The following RPS6KC1 variants were observed in gnomAD, a reference collection of about 807,000 sequenced individuals.
RPS6KC1 encodes inactive ribosomal protein S6 kinase delta-1.
RPS6KC1 carries 54 observed loss-of-function variants against 103.8 expected under a neutral mutation model. The observed-to-expected ratio is 0.52, with a 90% CI of 0.42 to 0.65. RPS6KC1 has a LOEUF of 0.65. Ranked by LOEUF, RPS6KC1 falls within the 30% of genes least tolerant of loss-of-function variation. RPS6KC1 has a pLI of 0.00. For synonymous variants in RPS6KC1, 439 were observed against 438.7 expected (o/e 1.00, Z -0.01); for missense variants, 1,151 against 1,253.8 (o/e 0.92, Z 1.24).
the RPS6KC1 span, among the ~76,000 whole-genome samples, chr1:213,415,856 G>A: frequency 0.67 from 101,221 of 152,116 alleles, 33,979 homozygotes; most frequent in Non-Finnish European, 0.68. Flanking sequence ...GCTTCAGACC[G>A]GTTAAATTGC....
the RPS6KC1 span, among the ~76,000 whole-genome samples, chr1:213,716,617 CCTT>C: frequency 1.3e-5 from 2 of 152,020 alleles, no homozygotes; most frequent in Non-Finnish European, 2.9e-5. Context: ...TATATAATTC[CCTT>C]CTTCACACTT....
the RPS6KC1 span, among the ~76,000 whole-genome samples, chr1:213,715,353 C>T: frequency 2.0e-5 from 3 of 152,190 alleles, no homozygotes; most frequent in African/African-American, 4.8e-5. Context: ...ATCTTCATAG[C>T]GGGTAAGACC....
At chr1:213,290,883 A>C in the RPS6KC1 span, among the ~76,000 whole-genome samples, 1 of 152,204 alleles carries the variant, frequency 6.6e-6, no homozygotes, top group Non-Finnish European at 1.5e-5. Flanking sequence ...GGCAGCGTAG[A>C]TGATTCAAAG....
chr1:213,283,635 TA>T, the RPS6KC1 span, among the ~76,000 whole-genome samples: 1 of 151,952 alleles, frequency 6.6e-6, no homozygotes, highest in African/African-American at 2.4e-5. Context: ...GAGCTCGAGA[TA>T]GGGGGGATTA....
At chr1:213,726,288 T>C in the RPS6KC1 span, among the ~76,000 whole-genome samples, 25 of 152,322 alleles carry the variant, frequency 1.6e-4, no homozygotes, top group African/African-American at 5.3e-4. Context: ...TTGCCCAGGT[T>C]GGTCTTGAAT....
chr1:213,057,887 T>C (rs1449145267), intron 1 of RPS6KC1, among the ~76,000 whole-genome samples: 2 of 148,366 alleles, frequency 1.3e-5, no homozygotes, highest in East Asian at 2.0e-4. Flanking sequence ...CCTCTCAGCC[T>C]CCTGAGTGGC....
chr1:213,350,939 G>T, the RPS6KC1 span, among the ~76,000 whole-genome samples: 8 of 152,040 alleles, frequency 5.3e-5, no homozygotes, highest in Non-Finnish European at 1.0e-4. Context: ...ATATGATTGG[G>T]TATATGTTTT....
the RPS6KC1 span, among the ~76,000 whole-genome samples, chr1:213,464,896 G>A: frequency 6.6e-6 from 1 of 152,082 alleles, no homozygotes; most frequent in Admixed American, 6.5e-5. Flanking sequence ...GACCAAGACA[G>A]TCATTCTCCC....
At chr1:213,654,841 G>A in the RPS6KC1 span, among the ~76,000 whole-genome samples, 3 of 152,094 alleles carry the variant, frequency 2.0e-5, no homozygotes, top group East Asian at 1.9e-4. Flanking sequence ...AAGACAAAGC[G>A]GGTGAGGTAC....
chr1:213,429,913 C>T, the RPS6KC1 span, among the ~76,000 whole-genome samples: 2 of 152,294 alleles, frequency 1.3e-5, no homozygotes, highest in Middle Eastern at 3.4e-3. Context: ...TTCTTTATTG[C>T]TTTTATAACC....
the RPS6KC1 span, among the ~76,000 whole-genome samples, chr1:213,408,691 A>G: frequency 6.6e-6 from 1 of 152,200 alleles, no homozygotes; most frequent in Non-Finnish European, 1.5e-5. Context: ...TAATTGCATA[A>G]GTCAGTTCAT....
At chr1:213,424,527 G>C in the RPS6KC1 span, among the ~76,000 whole-genome samples, 1 of 152,264 alleles carries the variant, frequency 6.6e-6, no homozygotes, top group Non-Finnish European at 1.5e-5. Flanking sequence ...TGGTGCCCTT[G>C]TGTTACTCCA....
At chr1:213,528,649 A>G in the RPS6KC1 span, among the ~76,000 whole-genome samples, 1 of 152,120 alleles carries the variant, frequency 6.6e-6, no homozygotes, top group South Asian at 2.1e-4. Context: ...TCCTCTTTTC[A>G]TGCCTTAGTA....
chr1:213,561,574 G>A, the RPS6KC1 span, among the ~76,000 whole-genome samples: 3 of 152,190 alleles, frequency 2.0e-5, no homozygotes, highest in Non-Finnish European at 4.4e-5. Flanking sequence ...GGTACAGACA[G>A]CTGGGCTCCC....
the RPS6KC1 span, among the ~76,000 whole-genome samples, chr1:213,314,389 T>C: frequency 1.8e-4 from 28 of 152,354 alleles, no homozygotes; most frequent in African/African-American, 6.3e-4. Flanking sequence ...TACCAGTAAA[T>C]TGTAGTCTTC....
the RPS6KC1 span, among the ~76,000 whole-genome samples, chr1:213,300,466 GCCACA>G: frequency 6.6e-6 from 1 of 152,290 alleles, no homozygotes; most frequent in East Asian, 1.9e-4. Context: ...AATGCAACCT[GCCACA>G]CCCTCTGAGT....
At chr1:213,265,074 T>C (rs1406056136) in intron 14 of RPS6KC1, among the ~76,000 whole-genome samples, 7 of 152,186 alleles carry the variant, frequency 4.6e-5, no homozygotes, top group African/African-American at 1.7e-4. Flanking sequence ...AAACAAATTT[T>C]CATGCCCTCA....
the RPS6KC1 span, among the ~76,000 whole-genome samples, chr1:213,733,017 C>G: frequency 6.6e-6 from 1 of 152,130 alleles, no homozygotes; most frequent in Non-Finnish European, 1.5e-5. Context: ...TGTGTGTATA[C>G]ACCATATTTT....
chr1:213,486,968 A>C, the RPS6KC1 span, among the ~76,000 whole-genome samples: 1 of 152,238 alleles, frequency 6.6e-6, no homozygotes, highest in Non-Finnish European at 1.5e-5. Flanking sequence ...CTGAGTGGTC[A>C]TCCCTGCCTT....
Sources: allele counts gnomAD v4.1 joint callset (sites outside exome capture counted in the v4.1 genomes callset), GRCh38; gene constraint gnomAD v4.1.1; transcripts MANE v1.5; gene names NCBI Gene and HGNC (gene_info 2026-07-23, HGNC 2026-07-21).